ANO2: variants seen among roughly 807,000 people sequenced by gnomAD.
ANO2 encodes the protein anoctamin-2.
In ANO2, 101 loss-of-function variants were observed where a neutral mutation model predicts 124.2. That is an observed-to-expected ratio of 0.81 (90% CI 0.69 to 0.96). The LOEUF is 0.96. ANO2 is among the 40% of genes least tolerant of loss of function. ANO2 has a pLI of 0.00. For synonymous variants in ANO2, 486 were observed against 482.5 expected (o/e 1.01, Z -0.09); for missense variants, 1,293 against 1,274.5 (o/e 1.01, Z -0.22).
intron 9 of ANO2, among the ~76,000 whole-genome samples, chr12:5,805,369 C>T (rs1404470596): frequency 6.6e-6 from 1 of 152,104 alleles, no homozygotes; most frequent in African/African-American, 2.4e-5. Flanking sequence ...GGGGAGAAGC[C>T]AGCAGGAGGA....
rs1955293606 is a variant in ANO2, at chr12:5,862,299, C to T, written c.535-8158G>A. On this transcript the variant is annotated intron_variant, in intron 3 of 24. Transcript: ENST00000682330. The surrounding 1 kb of genome is among the most constrained non-coding windows in gnomAD (Gnocchi z 4.0). ...GCCCACCAAGCCCCATCCCAGAGAC[C>T]CACTAAGACCAGCAGCAAGACCCTT... 6.6e-6 allele frequency among the ~76,000 whole-genome samples: 1 copy of T among 152,164 alleles called. No individual in the cohort carries two copies.
chr12:5,691,890 C>T (rs565362268), intron 14 of ANO2, among the ~76,000 whole-genome samples: 35 of 150,920 alleles, frequency 2.3e-4, no homozygotes, highest in Admixed American at 5.9e-4. Flanking sequence ...GGTGACAGAG[C>T]GAGACTATCT....
chr12:5,733,505 G>A lies in ANO2; in HGVS notation c.1435-875C>T, dbSNP rs1026212796. Among the ~76,000 whole-genome samples, 8 of 152,270 alleles carry A rather than the reference G, an allele frequency of 5.3e-5. No homozygotes were observed. In the South Asian group the frequency reaches 8.3e-4, roughly 16 times the overall value. On this transcript the variant is annotated intron_variant, in intron 13 of 24. Transcript: ENST00000682330. ...ACTTCATGTTCCTGCATCGTTTATC[G>A]ATAACTCCTGGGCAGGGATTCAGGT...
At chr12:5,739,577 T>G (rs1951012469) in intron 12 of ANO2, among the ~76,000 whole-genome samples, 178 bp from the exon 13 acceptor site, 1 of 144,654 alleles carries the variant, frequency 6.9e-6, no homozygotes, top group Non-Finnish European at 1.5e-5. Flanking sequence ...TCCACATCCT[T>G]GAGAGCCAAT....
intron 19 of ANO2, chr12:5,608,874 G>C (rs999605186): frequency 6.6e-6 from 1 of 152,228 alleles, no homozygotes; most frequent in African/African-American, 2.4e-5. Flanking sequence ...TCTGGGTCCA[G>C]AGAGAATGGG....
chr12:5,801,208 C>T (rs1362961983), intron 9 of ANO2, among the ~76,000 whole-genome samples: 1 of 152,128 alleles, frequency 6.6e-6, no homozygotes, highest in Non-Finnish European at 1.5e-5. Context: ...CACATCAGGC[C>T]AGGCCATCTT....
intron 14 of ANO2, among the ~76,000 whole-genome samples, chr12:5,678,090 G>T (rs1948332052): frequency 6.6e-6 from 1 of 152,174 alleles, no homozygotes; most frequent in Admixed American, 6.5e-5. Flanking sequence ...GTCTGATGTG[G>T]ACCAAGCTCG....
At chr12:5,827,735 C>A in intron 7 of ANO2, 34 bp downstream of exon 7, 2 of 1,598,278 alleles carry the variant, frequency 1.3e-6, no homozygotes, top group Non-Finnish European at 1.7e-6. Flanking sequence ...CCTCAGCGCC[C>A]GTCAGCACCC....
intron 7 of ANO2, among the ~76,000 whole-genome samples, chr12:5,826,945 T>G (rs1953975451): frequency 6.6e-6 from 1 of 152,222 alleles, no homozygotes; most frequent in South Asian, 2.1e-4. Flanking sequence ...GAGCGCATTC[T>G]GAAGGCAGCT....
chr12:5,806,447 A>C (rs764310433), intron 8 of ANO2, among the ~76,000 whole-genome samples: 5 of 152,252 alleles, frequency 3.3e-5, no homozygotes, highest in Non-Finnish European at 7.3e-5. Context: ...CCGTAACTGC[A>C]GAACTTAGCA....
chr12:5,789,800 G>C (rs552259008), intron 10 of ANO2, among the ~76,000 whole-genome samples: 2 of 152,330 alleles, frequency 1.3e-5, no homozygotes, highest in East Asian at 3.9e-4. Flanking sequence ...GGCATGCCGG[G>C]CTAATTAAAT....
At chr12:5,801,591 T>C (rs895601987) in intron 9 of ANO2, among the ~76,000 whole-genome samples, 4 of 152,224 alleles carry the variant, frequency 2.6e-5, no homozygotes, top group African/African-American at 9.6e-5. Flanking sequence ...ACCAGCGTTC[T>C]TGCTTAAAGG....
In ANO2 at chr12:5,637,621, C is replaced by A. The variant is rs144988929; in HGVS notation, c.1621-2274G>T. ...GCGGAATCTCAAGCACAACTCCAGA[C>A]CTACTGACCTGGAACCTGCATTGTA... On this transcript the variant is annotated intron_variant, in intron 15 of 24. Transcript: ENST00000682330. Among the ~76,000 whole-genome samples the A allele has an allele frequency of 4.6e-5, 7 of 152,262 alleles. No homozygotes were observed. The South Asian group carries it at 8.3e-4, about 18-fold the overall frequency.
intron 14 of ANO2, among the ~76,000 whole-genome samples, chr12:5,724,032 G>T (rs927194423): frequency 6.6e-6 from 1 of 152,042 alleles, no homozygotes; most frequent in Admixed American, 6.5e-5. Flanking sequence ...TCATGCAGGC[G>T]TACAGGAGAG....
intron 4 of ANO2, among the ~76,000 whole-genome samples, chr12:5,847,254 A>G (rs1372200176): frequency 1.3e-5 from 2 of 152,176 alleles, no homozygotes; most frequent in Admixed American, 6.5e-5. Flanking sequence ...CCTGCCTTCA[A>G]ACTTGAACTG....
rs1048087386 is a variant in ANO2, at chr12:5,636,744, G to A, written c.1621-1397C>T. Among the ~76,000 whole-genome samples the A allele has an allele frequency of 2.6e-5, 4 of 152,044 alleles. No individual in the cohort carries two copies. Among genetic ancestry groups the A allele is most frequent in the African/African-American group, 9.6e-5 (4 of 41,478 alleles). Reference sequence around the variant, plus strand: ...AGGGGAAGTGGGGGCCTCTGGCTTGGGCAGTGCTTTGCAAGCAGTGTGAAT... The same window carrying A: ...AGGGGAAGTGGGGGCCTCTGGCTTGAGCAGTGCTTTGCAAGCAGTGTGAAT... On this transcript the variant is annotated intron_variant, in intron 15 of 24. Transcript: ENST00000682330. The surrounding 1 kb of genome is among the most constrained non-coding windows in gnomAD (Gnocchi z 4.6).
At chr12:5,736,724 G>T (rs140766013) in intron 13 of ANO2, among the ~76,000 whole-genome samples, 1 of 152,098 alleles carries the variant, frequency 6.6e-6, no homozygotes, top group Non-Finnish European at 1.5e-5. Context: ...TCCCTGACCC[G>T]GTCACCAGAC....
intron 7 of ANO2, among the ~76,000 whole-genome samples, chr12:5,812,185 GA>G (rs1157136351): frequency 5.2e-5 from 7 of 134,426 alleles, no homozygotes; most frequent in Non-Finnish European, 6.4e-5. Flanking sequence ...GCAGGAAAGA[GA>G]AGGGGAAGGG....
chr12:5,840,881 T>A (rs541347301), intron 4 of ANO2, among the ~76,000 whole-genome samples: 1 of 152,264 alleles, frequency 6.6e-6, no homozygotes, highest in East Asian at 1.9e-4. Flanking sequence ...ATCTCACTCA[T>A]CTTGAGAGGT....
Sources: allele counts gnomAD v4.1 joint callset (sites outside exome capture counted in the v4.1 genomes callset), GRCh38; gene constraint gnomAD v4.1.1; non-coding constraint Gnocchi (gnomAD v3.1); transcripts MANE v1.5; gene names NCBI Gene and HGNC (gene_info 2026-07-23, HGNC 2026-07-21).